SNX2: variants seen among roughly 807,000 people sequenced by gnomAD.
SNX2 encodes the protein sorting nexin 2, also known as sorting nexin-2.
Under a neutral mutation model 69.9 loss-of-function variants are expected in SNX2, and 25 were observed. The ratio of observed to expected loss-of-function variants is 0.36; its 90% CI spans 0.26 to 0.50. The LOEUF is 0.50. SNX2 is among the 20% of genes least tolerant of loss of function. The probability of loss-of-function intolerance (pLI) is 0.97; values close to 1 mark genes in which losing one functional copy is unlikely to be tolerated. For synonymous variants in SNX2, 229 were observed against 200.4 expected, an observed-to-expected ratio of 1.14 and a Z score of -1.20; for missense variants, 551 against 613.3, an observed-to-expected ratio of 0.90 and a Z score of 1.07.
intron 1 of SNX2, among the ~76,000 whole-genome samples, chr5:122,791,169 G>C (rs1344866233): frequency 6.7e-6 from 1 of 149,120 alleles, no homozygotes; most frequent in African/African-American, 2.5e-5. Context: ...TGTTGCCCAG[G>C]CTAGAGTGCG....
chr5:122,775,347 C>A, intron 1 of SNX2, 136 bp downstream of exon 1: 1 of 1,383,074 alleles, frequency 7.2e-7, no homozygotes, highest in South Asian at 1.6e-5. Flanking sequence ...GCGAGCCCCA[C>A]CTCCGGTGCC....
intron 1 of SNX2, among the ~76,000 whole-genome samples, chr5:122,788,004 C>T (rs1182732596): frequency 6.6e-6 from 1 of 152,072 alleles, no homozygotes; most frequent in Non-Finnish European, 1.5e-5. Flanking sequence ...TTCCTTTACC[C>T]AAGGTTTGCT....
chr5:122,776,491 C>T (rs1447824766), intron 1 of SNX2, among the ~76,000 whole-genome samples: 1 of 151,904 alleles, frequency 6.6e-6, no homozygotes, highest in Admixed American at 6.6e-5. Context: ...AGCCAAAAGC[C>T]GCAATTACTT....
chr5:122,833,816 T>A lies in SNX2; in HGVS notation c.*4168T>A, dbSNP rs751102690. 3 of 152,212 alleles carry A rather than the reference T, an allele frequency of 2.0e-5. No individual in the cohort carries two copies. Among genetic ancestry groups the A allele is most frequent in the African/African-American group, 4.8e-5 (2 of 41,466 alleles). The allele number at this position is 152,212 out of a possible 1,614,324, so 9.4% of individuals were successfully genotyped here. A position where few individuals can be genotyped will look rare whatever the true frequency, so the allele number is the denominator to read the frequency against. ...AAGTCCAACAGCTAGTTTATCATCC[T>A]GAACCCAGTGAAGAAATCAAAGCTG... On this transcript the variant is annotated 3_prime_UTR_variant, in exon 15 of 15. Transcript: ENST00000379516.
At chr5:122,806,821 G>A (rs951944963) in intron 6 of SNX2, among the ~76,000 whole-genome samples, 10 of 151,988 alleles carry the variant, frequency 6.6e-5, no homozygotes, top group African/African-American at 2.4e-4. Flanking sequence ...TTTTCCTTTT[G>A]AAGCCATTGT....
intron 5 of SNX2, among the ~76,000 whole-genome samples, chr5:122,802,584 A>C (rs1239613071): frequency 6.6e-6 from 1 of 152,218 alleles, no homozygotes; most frequent in Non-Finnish European, 1.5e-5. Context: ...AAAGAAGTTC[A>C]AAGAAGAGTG....
intron 12 of SNX2, among the ~76,000 whole-genome samples, chr5:122,826,980 G>T (rs1754163609): frequency 6.6e-6 from 1 of 151,596 alleles, no homozygotes; most frequent in Non-Finnish European, 1.5e-5. Context: ...CATATCCTTG[G>T]ATTTAACAGT....
At position 122,816,744 on chromosome 5, in the gene SNX2, T is replaced by C. The variant is rs555460982; in HGVS notation, c.799-171T>C. On this transcript the variant is annotated intron_variant, in intron 8 of 14. Coordinates refer to ENST00000379516, the MANE Select transcript of SNX2 (RefSeq NM_003100.4). Reference sequence around the variant, plus strand: ...CTTTGAGAATGTACAAGTAGTATATTTGAGAAATTAGATCTCACTATTGAA... The same window carrying C: ...CTTTGAGAATGTACAAGTAGTATATCTGAGAAATTAGATCTCACTATTGAA... 3.0e-4 allele frequency among the ~76,000 whole-genome samples: 45 copies of C among 148,344 alleles called. 1 individual carries two copies. Among genetic ancestry groups the C allele is most frequent in the African/African-American group, 1.0e-3 (40 of 40,102 alleles).
intron 1 of SNX2, among the ~76,000 whole-genome samples, chr5:122,789,633 A>G (rs1015313850): frequency 6.6e-6 from 1 of 152,162 alleles, no homozygotes; most frequent in Admixed American, 6.5e-5. Context: ...GGGGAAAAAA[A>G]CAGGGATTTA....
intron 11 of SNX2, among the ~76,000 whole-genome samples, chr5:122,821,183 T>G (rs556524073): frequency 6.6e-6 from 1 of 152,332 alleles, no homozygotes; most frequent in Admixed American, 6.5e-5. Flanking sequence ...TACATGATAG[T>G]TCTAATAGCT....
chr5:122,777,845 C>G (rs1211667722), intron 1 of SNX2, among the ~76,000 whole-genome samples: 1 of 152,162 alleles, frequency 6.6e-6, no homozygotes, highest in Non-Finnish European at 1.5e-5. Flanking sequence ...TTGGAACATT[C>G]AAAATCTGCT....
At chr5:122,782,334 G>C (rs945731625) in intron 1 of SNX2, among the ~76,000 whole-genome samples, 3 of 151,884 alleles carry the variant, frequency 2.0e-5, no homozygotes, top group African/African-American at 7.3e-5. Flanking sequence ...CACCTCCCGG[G>C]TTCAAAAGAT....
chr5:122,804,653 C>A (rs1448693043), intron 6 of SNX2, among the ~76,000 whole-genome samples: 1 of 152,118 alleles, frequency 6.6e-6, no homozygotes. Context: ...ACGTGAGCCA[C>A]TGTGCCCGGC....
chr5:122,829,486 T>C, intron 14 of SNX2, 112 bp from the exon 15 acceptor site: 1 of 745,348 alleles, frequency 1.3e-6, no homozygotes, highest in Non-Finnish European at 2.3e-6. Flanking sequence ...ATTATAGGTG[T>C]GAGCTACCCA....
chr5:122,780,793 C>T (rs957277736), intron 1 of SNX2, among the ~76,000 whole-genome samples: 1 of 152,124 alleles, frequency 6.6e-6, no homozygotes, highest in Non-Finnish European at 1.5e-5. Flanking sequence ...AGGTCTCGAA[C>T]TCCTGACCTT....
chr5:122,785,513 T>A (rs1162578715), intron 1 of SNX2, among the ~76,000 whole-genome samples: 3 of 152,076 alleles, frequency 2.0e-5, no homozygotes, highest in African/African-American at 7.2e-5. Flanking sequence ...CTCCCTACTC[T>A]TGCTGTTTAG....
At position 122,789,963 on chromosome 5, in the gene SNX2, C is replaced by T. The variant is rs559694962; in HGVS notation, c.109-5303C>T. Among the ~76,000 whole-genome samples, 88 of 152,248 alleles carry T rather than the reference C, an allele frequency of 5.8e-4. 1 individual carries two copies. The South Asian group carries it at 0.012, about 21-fold the overall frequency. On this transcript the variant is annotated intron_variant, in intron 1 of 14. Coordinates refer to ENST00000379516, the MANE Select transcript of SNX2 (RefSeq NM_003100.4). ...GTATGAGTTATCTGTTGCTGTGTAA[C>T]GCATTAGCAACTTAAAATAATAAAC... is the stretch of plus-strand genomic sequence containing the variant.
chr5:122,808,187 T>G, intron 6 of SNX2, 90 bp from the exon 7 acceptor site: 4 of 820,872 alleles, frequency 4.9e-6, no homozygotes, highest in Non-Finnish European at 7.5e-6. Context: ...AGTTCAAATT[T>G]TGAGTGTATT....
chr5:122,802,069 C>T lies in SNX2; in HGVS notation c.458-12C>T. On this transcript the variant is annotated splice_polypyrimidine_tract_variant and intron_variant, in intron 4 of 14. Transcript: ENST00000379516. ...ATGTGATTTTAATAGTAGTGTTTGA[C>T]TTTTTTTGCAGGTGATGGCATGAAT... is the stretch of plus-strand genomic sequence containing the variant. The T allele has an allele frequency of 6.2e-7, 1 of 1,611,472 alleles. No individual in the cohort carries two copies. Among genetic ancestry groups the T allele is most frequent in the Non-Finnish European group, 8.5e-7 (1 of 1,177,878 alleles).
Sources: allele counts gnomAD v4.1 joint callset (sites outside exome capture counted in the v4.1 genomes callset), GRCh38; gene constraint gnomAD v4.1.1; transcripts MANE v1.5; gene names NCBI Gene and HGNC (gene_info 2026-07-23, HGNC 2026-07-21).